Variants in CALR3 observed in about 807,000 individuals in gnomAD.
The protein encoded by CALR3 is calreticulin 3, also known as calreticulin-3.
In CALR3, 39 loss-of-function variants were observed where a neutral mutation model predicts 48.7. That is an observed-to-expected ratio of 0.80 (90% CI 0.62 to 1.05). The LOEUF (loss-of-function observed/expected upper bound fraction) is 1.05. CALR3 is among the 50% of genes least tolerant of loss of function. The pLI is 0.00. For missense variants in CALR3, 449 were observed against 474.7 expected (o/e 0.95, Z 0.50); for synonymous variants, 185 against 172.7 (o/e 1.07, Z -0.56).
chr19:16,482,409 A>T (rs1299895002), intron 7 of CALR3, 41 bp downstream of exon 7: 1 of 1,612,972 alleles, frequency 6.2e-7, no homozygotes, highest in East Asian at 2.2e-5. Flanking sequence ...AACAAAACAC[A>T]CACACGCAAA....
rs940668458 is a variant in CALR3, at chr19:16,483,923, T to C, written c.678+7A>G. The C allele has an allele frequency of 3.7e-6, 6 of 1,613,642 alleles. No individual in the cohort carries two copies. Among genetic ancestry groups the C allele is most frequent in the Non-Finnish European group, 4.2e-6 (5 of 1,179,790 alleles). ...ACTTTTTAGAGTTGCCCAGGAAAAA[T>C]TCACACCTGGGCTTTGTTGTCTTTA... is the stretch of plus-strand genomic sequence containing the variant. On this transcript the variant is annotated splice_region_variant and intron_variant, in intron 5 of 8. Transcript: ENST00000269881.
At position 16,495,785 on chromosome 19, in the gene CALR3, C is replaced by T. The variant is rs372912264; in HGVS notation, c.159G>A (p.Ser53=). Residue 53 remains serine (S), a synonymous_variant, in exon 2 of 9, where the codon TCG becomes TCA. Coordinates refer to ENST00000269881, the MANE Select transcript of CALR3 (RefSeq NM_145046.5). ...DSRFGHFRLS[S]GKFYGHKEKD... is the part of the protein sequence containing the mutation. ...TCTCTTTATGACCATAAAACTTGCC[C>T]GACGAAAGTCTAAAATGCCCAAATC... The T allele has an allele frequency of 4.0e-5, 65 of 1,613,964 alleles. No individual in the cohort carries two copies. The highest frequency in any genetic ancestry group is 8.3e-5 in the Admixed American group (5 of 59,978).
intron 5 of CALR3, 87 bp from the exon 6 acceptor site, chr19:16,482,872 G>C: frequency 7.7e-7 from 1 of 1,293,364 alleles, no homozygotes; most frequent in Non-Finnish European, 1.1e-6. Flanking sequence ...CTTGAGACTA[G>C]GTTTTGCTCT....
At chr19:16,487,499 C>A (rs1006383685) in intron 3 of CALR3, among the ~76,000 whole-genome samples, 67 of 114,914 alleles carry the variant, frequency 5.8e-4, no homozygotes, top group Middle Eastern at 5.2e-3. Flanking sequence ...AAAAAAAAAA[C>A]ATTTTGTAGA....
At chr19:16,482,979 G>C (rs938958267) in intron 5 of CALR3, among the ~76,000 whole-genome samples, 194 bp from the exon 6 acceptor site, 25 of 151,934 alleles carry the variant, frequency 1.6e-4, no homozygotes, top group African/African-American at 5.1e-4. Flanking sequence ...CAAGTAGCTC[G>C]GACTACAGGC....
chr19:16,484,121 T>C lies in CALR3; in HGVS notation c.493-6A>G, dbSNP rs566199743. The C allele has an allele frequency of 5.1e-5, 82 of 1,612,050 alleles. No individual in the cohort carries two copies. The South Asian group carries it at 8.7e-4, about 17-fold the overall frequency. On this transcript the variant is annotated splice_polypyrimidine_tract_variant and splice_region_variant and intron_variant, in intron 4 of 8. Transcript: ENST00000269881. ...AGGTGTGTGAAGCCATCAACCTGCA[T>C]ATTTTAGGGGGAAAAGCGTAACAAT...
At chr19:16,479,536 T>C (rs1347334158) in intron 8 of CALR3, among the ~76,000 whole-genome samples, 1 of 146,822 alleles carries the variant, frequency 6.8e-6, no homozygotes, top group Non-Finnish European at 1.5e-5. Flanking sequence ...TGCAGTGAGC[T>C]GAGATCACTC....
chr19:16,491,443 A>ACTCT (rs2093397951), intron 2 of CALR3, among the ~76,000 whole-genome samples: 1 of 149,824 alleles, frequency 6.7e-6, no homozygotes, highest in Non-Finnish European at 1.5e-5. Flanking sequence ...TAAACATTCT[A>ACTCT]CTCTGCCTTT....
rs747826402 is a variant in CALR3, at chr19:16,490,545, T to C, written c.219A>G (p.Arg73=). ...DKGLQTTQNG[R]FYAISARFKP... ...TGAAGCGTGCAGAGATGGCATAGAATCGGCCATTCTGAGTGGTTTGCAGAC... is the reference window on the plus strand; with the variant it reads ...TGAAGCGTGCAGAGATGGCATAGAACCGGCCATTCTGAGTGGTTTGCAGAC... Residue 73 remains arginine, a synonymous_variant, in exon 3 of 9, where the codon CGA becomes CGG. Transcript: ENST00000269881. 2 of 1,614,108 alleles carry C rather than the reference T, an allele frequency of 1.2e-6. No individual in the cohort carries two copies. Among genetic ancestry groups the C allele is most frequent in the East Asian group, 4.5e-5 (2 of 44,882 alleles).
chr19:16,482,068 G>A lies in CALR3; in HGVS notation c.918+382C>T, dbSNP rs548032883. On this transcript the variant is annotated intron_variant, in intron 7 of 8. Coordinates refer to ENST00000269881, the MANE Select transcript of CALR3 (RefSeq NM_145046.5). ...ACTACAGGCGCCCGCCACCACGCCC[G>A]GCTAATTTTTTTTGTATTTTTAGTA... Among the ~76,000 whole-genome samples the A allele has an allele frequency of 7.3e-3, 1,101 of 151,636 alleles. 9 individuals carry two copies. The highest frequency in any genetic ancestry group is 0.026 in the African/African-American group (1,064 of 41,350).
chr19:16,484,357 A>G (rs1386689472), intron 4 of CALR3, among the ~76,000 whole-genome samples: 6 of 151,290 alleles, frequency 4.0e-5, no homozygotes. Context: ...TTTTGTGTCT[A>G]GTAGAGACAG....
At chr19:16,494,491 A>G (rs928388941) in intron 2 of CALR3, among the ~76,000 whole-genome samples, 1 of 152,022 alleles carries the variant, frequency 6.6e-6, no homozygotes, top group Non-Finnish European at 1.5e-5. Context: ...CCTCCCGAGT[A>G]GCTGGGACTA....
At chr19:16,481,993 G>T (rs1373604924) in intron 7 of CALR3, among the ~76,000 whole-genome samples, 2 of 143,018 alleles carry the variant, frequency 1.4e-5, no homozygotes, top group Admixed American at 1.5e-4. Flanking sequence ...TGCAAGCTCT[G>T]CCTCCCGGGT....
At chr19:16,484,171 TTC>T (rs2093385225) in intron 4 of CALR3, 56 bp from the exon 5 acceptor site, 25 of 1,467,402 alleles carry the variant, frequency 1.7e-5, no homozygotes, top group Non-Finnish European at 2.3e-5. Flanking sequence ...CTTTTTTCTT[TTC>T]TTTTCTTTTT....
chr19:16,486,107 C>A (rs2093388580), intron 3 of CALR3, among the ~76,000 whole-genome samples: 1 of 151,844 alleles, frequency 6.6e-6, no homozygotes, highest in Non-Finnish European at 1.5e-5. Context: ...TGACTTGAGG[C>A]CAGTTTGAGA....
intron 3 of CALR3, among the ~76,000 whole-genome samples, chr19:16,487,045 A>G (rs1276686297): frequency 2.6e-5 from 4 of 152,060 alleles, no homozygotes; most frequent in Non-Finnish European, 5.9e-5. Flanking sequence ...TTATTCTGTC[A>G]TCCAGGCTGG....
chr19:16,489,126 T>C (rs2093393820), intron 3 of CALR3, among the ~76,000 whole-genome samples: 1 of 152,278 alleles, frequency 6.6e-6, no homozygotes, highest in South Asian at 2.1e-4. Context: ...TCACAGGTTA[T>C]ATAAACACAG....
chr19:16,480,498 G>C, intron 8 of CALR3, 116 bp downstream of exon 8: 1 of 721,098 alleles, frequency 1.4e-6, no homozygotes, highest in Admixed American at 2.1e-5. Flanking sequence ...GTTGCAGTGA[G>C]CCGAGACTAT....
Position 16,486,619 on chromosome 19 carries a change from CAAA to C in CALR3, c.398-1365_398-1363del, listed in dbSNP as rs59111886. Among the ~76,000 whole-genome samples, 462 of 123,672 alleles carry C rather than the reference CAAA, an allele frequency of 3.7e-3. 1 individual carries two copies. The highest frequency in any genetic ancestry group is 4.4e-3 in the Middle Eastern group (1 of 228). The allele number at this position is 123,672 out of a possible 152,430, so 81.1% of individuals were successfully genotyped here. A position where few individuals can be genotyped will look rare whatever the true frequency, so the allele number is the denominator to read the frequency against. ...TGGGTGACAGAGCAAGATTCTATCTCAAAAAAAAAAAAAAAAAAAGGTATTTAC... is the reference window on the plus strand; with the variant it reads ...TGGGTGACAGAGCAAGATTCTATCTCAAAAAAAAAAAAAAAAGGTATTTAC... On this transcript the variant is annotated intron_variant, in intron 3 of 8. Transcript: ENST00000269881.
Sources: allele counts gnomAD v4.1 joint callset (sites outside exome capture counted in the v4.1 genomes callset), GRCh38; gene constraint gnomAD v4.1.1; transcripts MANE v1.5; gene names NCBI Gene and HGNC (gene_info 2026-07-23, HGNC 2026-07-21).